CTNNA2: variants seen among roughly 807,000 people sequenced by gnomAD.
CTNNA2 encodes catenin alpha-2.
In CTNNA2, 42 loss-of-function variants were observed where a neutral mutation model predicts 101.0. That is an observed-to-expected ratio of 0.42 (90% CI 0.32 to 0.54). The LOEUF (loss-of-function observed/expected upper bound fraction) is 0.54, where lower values mean the gene tolerates loss of function less well. Among genes scored for constraint, CTNNA2 ranks in the 20% least tolerant of loss-of-function variants. The probability of loss-of-function intolerance (pLI) is 0.14; values close to 1 mark genes in which losing one functional copy is unlikely to be tolerated. For synonymous variants in CTNNA2, 450 were observed against 456.4 expected (o/e 0.99, Z 0.18); for missense variants, 871 against 1,223.1 (o/e 0.71, Z 4.29).
intron 3 of CTNNA2, among the ~76,000 whole-genome samples, chr2:79,856,069 A>G (rs1242593279): frequency 1.3e-5 from 2 of 152,214 alleles, no homozygotes; most frequent in African/African-American, 4.8e-5. Context: ...TTGAAAATTC[A>G]TCATTGTGCC....
At chr2:80,101,908 G>C (rs1700570142) in intron 7 of CTNNA2, among the ~76,000 whole-genome samples, 1 of 152,132 alleles carries the variant, frequency 6.6e-6, no homozygotes, top group South Asian at 2.1e-4. Context: ...GGGTTCTAGG[G>C]GTGACTGAAC....
At chr2:79,467,729 T>G (rs1218912919) in intron 4 of CTNNA2, among the ~76,000 whole-genome samples, 2 of 152,144 alleles carry the variant, frequency 1.3e-5, no homozygotes, top group African/African-American at 4.8e-5. Context: ...TATTCAACAT[T>G]CTTAAAGAAA....
intron 3 of CTNNA2, among the ~76,000 whole-genome samples, chr2:79,845,465 A>G (rs1290855208): frequency 1.3e-5 from 2 of 152,216 alleles, no homozygotes; most frequent in African/African-American, 4.8e-5. Context: ...AATGGTGCGC[A>G]CTAAGAGAGT....
chr2:79,503,261 A>C (rs182630414), intron 4 of CTNNA2, among the ~76,000 whole-genome samples: 1 of 152,242 alleles, frequency 6.6e-6, no homozygotes, highest in East Asian at 1.9e-4. Context: ...TTCTCTTCTT[A>C]TTTACTGTAT....
chr2:80,564,018 TTAAC>T (rs1189300316), intron 12 of CTNNA2, among the ~76,000 whole-genome samples: 2 of 152,300 alleles, frequency 1.3e-5, no homozygotes, highest in African/African-American at 2.4e-5. Context: ...ACCTGCAGCT[TTAAC>T]TAAGAGTTGA....
chr2:80,413,409 A>C (rs1679765379), intron 8 of CTNNA2, among the ~76,000 whole-genome samples: 1 of 152,206 alleles, frequency 6.6e-6, no homozygotes, highest in Non-Finnish European at 1.5e-5. Flanking sequence ...TCGTATAAGG[A>C]AAACTAAATA....
At chr2:79,538,449 T>G (rs1673206322) in intron 1 of CTNNA2, among the ~76,000 whole-genome samples, 1 of 152,164 alleles carries the variant, frequency 6.6e-6, no homozygotes, top group Admixed American at 6.6e-5. Context: ...TCTTTGGAAT[T>G]GTTGAGGAAT....
intron 4 of CTNNA2, among the ~76,000 whole-genome samples, chr2:79,456,800 T>C (rs1670826514): frequency 6.6e-6 from 1 of 152,224 alleles, no homozygotes; most frequent in South Asian, 2.1e-4. Context: ...CAGAGCAATT[T>C]CATGTTTTAT....
intron 3 of CTNNA2, 91 bp from the exon 4 acceptor site, chr2:79,857,922 A>G (rs1458261114): frequency 2.9e-6 from 4 of 1,356,278 alleles, no homozygotes; most frequent in Non-Finnish European, 2.0e-6. Flanking sequence ...GTTTTGCAAT[A>G]AAAACAGTAA....
chr2:79,743,536 A>AT (rs34075986), intron 2 of CTNNA2, among the ~76,000 whole-genome samples: 22,187 of 143,732 alleles, frequency 0.15, 1,872 homozygotes, highest in Non-Finnish European at 0.19. Context: ...TATTTTATTT[A>AT]TTTTTTTTTT....
intron 1 of CTNNA2, among the ~76,000 whole-genome samples, chr2:79,190,578 C>A (rs774715157): frequency 6.6e-6 from 1 of 152,050 alleles, no homozygotes; most frequent in Non-Finnish European, 1.5e-5. Context: ...TAGACTCCTG[C>A]CGTTTAGAAA....
chr2:79,970,693 A>AG (rs1188023992), intron 7 of CTNNA2, among the ~76,000 whole-genome samples: 5 of 152,272 alleles, frequency 3.3e-5, no homozygotes, highest in African/African-American at 1.2e-4. Context: ...CAATAATAAT[A>AG]GGTGGCAGGC....
intron 13 of CTNNA2, among the ~76,000 whole-genome samples, chr2:80,577,202 G>A (rs974926962): frequency 6.6e-6 from 1 of 152,060 alleles, no homozygotes; most frequent in Non-Finnish European, 1.5e-5. Flanking sequence ...TACCCTCACA[G>A]GATTTCTATT....
chr2:80,101,569 G>A lies in CTNNA2; in HGVS notation c.1056+191772G>A, dbSNP rs116512291. Among the ~76,000 whole-genome samples, 463 of 152,236 alleles carry A rather than the reference G, an allele frequency of 3.0e-3. 3 individuals are homozygous for A. The highest frequency in any genetic ancestry group is 0.01 in the African/African-American group (423 of 41,526). On this transcript the variant is annotated intron_variant, in intron 7 of 18. Coordinates refer to ENST00000402739, the MANE Select transcript of CTNNA2 (RefSeq NM_001282597.3). The stretch of plus-strand genomic sequence containing the variant: ...TAATCCCAATTCTCCTCCTAATAGC[G>A]AAAGGAAGAATCATTGAAACAAAAT...
intron 7 of CTNNA2, among the ~76,000 whole-genome samples, chr2:79,989,247 CA>C (rs1691991190): frequency 6.6e-6 from 1 of 152,176 alleles, no homozygotes; most frequent in Admixed American, 6.5e-5. Flanking sequence ...GGTCTATTCC[CA>C]ATGCATGTTT....
At chr2:79,823,931 A>G (rs980315524) in intron 3 of CTNNA2, among the ~76,000 whole-genome samples, 1 of 152,188 alleles carries the variant, frequency 6.6e-6, no homozygotes, top group Non-Finnish European at 1.5e-5. Flanking sequence ...TGAGGACTGA[A>G]TATAAAGACT....
At chr2:79,563,161 G>GTGTA (rs1280707294) in intron 1 of CTNNA2, among the ~76,000 whole-genome samples, 6 of 78,620 alleles carry the variant, frequency 7.6e-5, no homozygotes, top group African/African-American at 2.8e-4. Flanking sequence ...ATAAAGATGT[G>GTGTA]TATATATATA....
chr2:80,328,574 T>C (rs1401415589), intron 7 of CTNNA2, among the ~76,000 whole-genome samples: 4 of 152,168 alleles, frequency 2.6e-5, no homozygotes, highest in Admixed American at 6.5e-5. Flanking sequence ...CTCAAGTGGC[T>C]TTGCTGGTTA....
At chr2:79,312,379 ATCT>A (rs1266216913) in intron 2 of CTNNA2, among the ~76,000 whole-genome samples, 5 of 152,142 alleles carry the variant, frequency 3.3e-5, no homozygotes, top group African/African-American at 1.2e-4. Flanking sequence ...CATATGTAAA[ATCT>A]TCTTCTTGAC....
Sources: allele counts gnomAD v4.1 joint callset (sites outside exome capture counted in the v4.1 genomes callset), GRCh38; gene constraint gnomAD v4.1.1; transcripts MANE v1.5; gene names NCBI Gene and HGNC (gene_info 2026-07-23, HGNC 2026-07-21).